TACSTD2: variants seen among roughly 807,000 people sequenced by gnomAD.
The protein encoded by TACSTD2 is tumor associated calcium signal transducer 2.
Under a neutral mutation model 7.9 loss-of-function variants are expected in TACSTD2, and 6 were observed. The ratio of observed to expected loss-of-function variants is 0.76; its 90% CI spans 0.42 to 1.50. The LOEUF (loss-of-function observed/expected upper bound fraction) is 1.50, where lower values mean the gene tolerates loss of function less well. Among genes scored for constraint, TACSTD2 ranks in the 40% most tolerant of loss-of-function variants. TACSTD2 has a pLI of 0.01. For missense variants in TACSTD2, 511 were observed against 471.2 expected, an observed-to-expected ratio of 1.08 and a Z score of -0.78; for synonymous variants, 220 against 225.5, an observed-to-expected ratio of 0.98 and a Z score of 0.22.
rs754969874 is a variant in TACSTD2 at position 58,576,180 on chromosome 1, G to A, written c.*5C>T. 3 of 1,613,478 alleles carry A rather than the reference G, an allele frequency of 1.9e-6. No homozygotes were observed. Among genetic ancestry groups the A allele is most frequent in the African/African-American group, 2.7e-5 (2 of 74,856 alleles). ...CCCCACCCCATCCCCTGCCCCGCCGGGTACCTACAAGCTCGGTTCCTTTCT... is the reference window on the plus strand; with the variant it reads ...CCCCACCCCATCCCCTGCCCCGCCGAGTACCTACAAGCTCGGTTCCTTTCT... On this transcript the variant is annotated 3_prime_UTR_variant, in exon 1 of 1. Coordinates refer to ENST00000371225, the MANE Select transcript of TACSTD2 (RefSeq NM_002353.3).
At position 58,576,652 on chromosome 1, in the gene TACSTD2, G is replaced by T. The variant is rs376863586; in HGVS notation, c.505C>A (p.His169Asn). The change falls in exon 1 of 1, where the codon CAC (histidine) becomes AAC (asparagine). Residue 169 changes from histidine (H) to asparagine (N), a missense_variant. His to Asn is a moderately conservative substitution (Grantham distance 68). Transcript: ENST00000371225. Reference protein sequence around the residue: ...RHRPTAGAFNHSDLDAELRRL... With the variant: ...RHRPTAGAFNNSDLDAELRRL... ...CTCAGCTCGGCGTCCAGGTCTGAGT[G>T]GTTGAAGGCGCCGGCGGTGGGGCGG... 6.2e-6 allele frequency: 10 copies of T among 1,606,072 alleles called. No individual in the cohort carries two copies. The highest frequency in any genetic ancestry group is 8.5e-6 in the Non-Finnish European group (10 of 1,177,320).
In TACSTD2 at chr1:58,576,488, G is replaced by A. The variant is rs1462089823; in HGVS notation, c.669C>T (p.Ala223=). ...AAGDVDIGDA[A]YYFERDIKGE... ...CCTTGATGTCCCTCTCGAAGTAGTAGGCGGCATCGCCGATATCCACGTCAC... is the reference window on the plus strand; with the variant it reads ...CCTTGATGTCCCTCTCGAAGTAGTAAGCGGCATCGCCGATATCCACGTCAC... The change falls in exon 1 of 1, where the codon GCC becomes GCT. Residue 223 remains alanine (A), a synonymous_variant. Coordinates refer to ENST00000371225, the MANE Select transcript of TACSTD2 (RefSeq NM_002353.3). 1.2e-6 allele frequency: 2 copies of A among 1,613,418 alleles called. No individual in the cohort carries two copies. The highest frequency in any genetic ancestry group is 1.7e-6 in the Non-Finnish European group (2 of 1,179,844).
At position 58,577,081 on chromosome 1, in the gene TACSTD2, C is replaced by T. The variant is rs1196611791; in HGVS notation, c.76G>A (p.Gly26Ser). 2 of 1,476,270 alleles carry T rather than the reference C, an allele frequency of 1.4e-6. No homozygotes were observed. Among genetic ancestry groups the T allele is most frequent in the African/African-American group, 2.9e-5 (2 of 67,842 alleles). 91.4% of individuals were successfully genotyped at this position (1,476,270 alleles called of 1,614,324 possible). ...LLLLVLAAVTGHTAAQDNCTC... is the reference protein window; with the variant it reads ...LLLLVLAAVTSHTAAQDNCTC... ...CAGTTGTCCTGCGCGGCCGTGTGGC[C>T]GGTCACCGCCGCCAGCACCAGCAGC... is the stretch of plus-strand genomic sequence containing the variant. The change falls in exon 1 of 1, where the codon GGC becomes AGC. Residue 26 changes from glycine (G) to serine (S), a missense_variant. Gly to Ser is a moderately conservative substitution (Grantham distance 56). Transcript: ENST00000371225.
rs1032804975 is a variant in TACSTD2 at position 58,577,226 on chromosome 1, G to A, written c.-70C>T. The A allele has an allele frequency of 3.4e-5, 45 of 1,316,572 alleles. No individual in the cohort carries two copies. The highest frequency in any genetic ancestry group is 4.2e-5 in the Admixed American group (1 of 23,894). The allele number at this position is 1,316,572 out of a possible 1,614,324, so 81.6% of individuals were successfully genotyped here. On this transcript the variant is annotated 5_prime_UTR_variant, in exon 1 of 1. Transcript: ENST00000371225. The stretch of plus-strand genomic sequence containing the variant: ...GGGGACTCGTCGGGGCTCGGGCTCC[G>A]GCGTCTGGGATGGTCTGCAGGCGTC...
rs1417393085 is a variant in TACSTD2 at position 58,577,246 on chromosome 1, G to A, written c.-90C>T. 5.4e-6 allele frequency: 7 copies of A among 1,298,886 alleles called. No homozygotes were observed. The highest frequency in any genetic ancestry group is 6.8e-6 in the Non-Finnish European group (7 of 1,027,344). The allele number at this position is 1,298,886 out of a possible 1,614,324, so 80.5% of individuals were successfully genotyped here. ...GCTCCGGCGTCTGGGATGGTCTGCA[G>A]GCGTCTGCCGCCCGGCCGCTCCCTC... is the stretch of plus-strand genomic sequence containing the variant. On this transcript the variant is annotated 5_prime_UTR_variant, in exon 1 of 1. Coordinates refer to ENST00000371225, the MANE Select transcript of TACSTD2 (RefSeq NM_002353.3).
In TACSTD2 at chr1:58,576,252, T is replaced by C; in HGVS notation, c.905A>G (p.Lys302Arg). Residue 302 changes from lysine to arginine, a missense_variant, in exon 1 of 1, where the codon AAG becomes AGG. Lys to Arg is a conservative substitution (Grantham distance 26, BLOSUM62 2). Coordinates refer to ENST00000371225, the MANE Select transcript of TACSTD2 (RefSeq NM_002353.3). ...CTCCACCTTCTTGTACTTCCCCGAC[T>C]TTCTCCGGTTGGTGATCACCAGGAC... ...MAVLVITNRR[K>R]SGKYKKVEIK... The C allele has an allele frequency of 6.2e-7, 1 of 1,614,054 alleles. No homozygotes were observed. The highest frequency in any genetic ancestry group is 8.5e-7 in the Non-Finnish European group (1 of 1,179,982).
rs1328048620 is a variant in TACSTD2, at chr1:58,576,886, G to A, written c.271C>T (p.Arg91Trp). Residue 91 changes from arginine to tryptophan, a missense_variant, in exon 1 of 1, where the codon CGG becomes TGG. Physicochemically the swap from Arg to Trp is moderately radical, Grantham distance 101. Coordinates refer to ENST00000371225, the MANE Select transcript of TACSTD2 (RefSeq NM_002353.3). ...SAPKNARTLVRPSEHALVDND... is the reference protein window; with the variant it reads ...SAPKNARTLVWPSEHALVDND... Reference sequence around the variant, plus strand: ...TCCACGAGCGCGTGCTCACTCGGCCGCACCAGCGTGCGGGCGTTCTTGGGG... The same window carrying A: ...TCCACGAGCGCGTGCTCACTCGGCCACACCAGCGTGCGGGCGTTCTTGGGG... 6.3e-7 allele frequency: 1 copy of A among 1,589,958 alleles called. No individual in the cohort carries two copies. The highest frequency in any genetic ancestry group is 8.5e-7 in the Non-Finnish European group (1 of 1,174,920).
rs1268603966 is a variant in TACSTD2, at chr1:58,576,906, T to G, written c.251A>C (p.Lys84Thr). Reference sequence around the variant, plus strand: ...CGGCCGCACCAGCGTGCGGGCGTTCTTGGGGGCGCTCATGCGCGCCTTGAG... The same window carrying G: ...CGGCCGCACCAGCGTGCGGGCGTTCGTGGGGGCGCTCATGCGCGCCTTGAG... ...LLLKARMSAP[K>T]NARTLVRPSE... The change falls in exon 1 of 1, where the codon AAG becomes ACG. Residue 84 changes from lysine to threonine, a missense_variant. Coordinates refer to ENST00000371225, the MANE Select transcript of TACSTD2 (RefSeq NM_002353.3). 3.8e-6 allele frequency: 6 copies of G among 1,588,908 alleles called. No homozygotes were observed. The highest frequency in any genetic ancestry group is 1.7e-4 in the Middle Eastern group (1 of 6,044).
chr1:58,577,055 G>T lies in TACSTD2; in HGVS notation c.102C>A (p.Cys34Ter). 1 of 1,530,386 alleles carries T rather than the reference G, an allele frequency of 6.5e-7. No homozygotes were observed. The allele number at this position is 1,530,386 out of a possible 1,614,324, so 94.8% of individuals were successfully genotyped here. A position where few individuals can be genotyped will look rare whatever the true frequency, so the allele number is the denominator to read the frequency against. ...CGGTCATCTTGTTGGTGGGACACGT[G>T]CAGTTGTCCTGCGCGGCCGTGTGGC... ...VTGHTAAQDN[C>*]TCPTNKMTVC... Residue 34 changes from cysteine to a stop codon, truncating the protein, a stop_gained, in exon 1 of 1, where the codon TGC becomes TGA. Transcript: ENST00000371225. LOFTEE classifies it high-confidence loss of function.
chr1:58,577,245 A>C lies in TACSTD2; in HGVS notation c.-89T>G. The C allele has an allele frequency of 1.5e-6, 2 of 1,300,358 alleles. No homozygotes were observed. Among genetic ancestry groups the C allele is most frequent in the Non-Finnish European group, 1.9e-6 (2 of 1,028,462 alleles). The allele number at this position is 1,300,358 out of a possible 1,614,324, so 80.6% of individuals were successfully genotyped here. Reference sequence around the variant, plus strand: ...GGCTCCGGCGTCTGGGATGGTCTGCAGGCGTCTGCCGCCCGGCCGCTCCCT... The same window carrying C: ...GGCTCCGGCGTCTGGGATGGTCTGCCGGCGTCTGCCGCCCGGCCGCTCCCT... On this transcript the variant is annotated 5_prime_UTR_variant, in exon 1 of 1. Coordinates refer to ENST00000371225, the MANE Select transcript of TACSTD2 (RefSeq NM_002353.3).
chr1:58,576,135 G>A lies in TACSTD2; in HGVS notation c.*50C>T, dbSNP rs1203249808. The A allele has an allele frequency of 6.3e-7, 1 of 1,596,630 alleles. No individual in the cohort carries two copies. Among genetic ancestry groups the A allele is most frequent in the Non-Finnish European group, 8.5e-7 (1 of 1,171,988 alleles). ...GGAAGCGTGACTCACTTGGGTCTGG[G>A]ACGATACCGAAATCCGGTACCCCAC... On this transcript the variant is annotated 3_prime_UTR_variant, in exon 1 of 1. Coordinates refer to ENST00000371225, the MANE Select transcript of TACSTD2 (RefSeq NM_002353.3).
At position 58,576,532 on chromosome 1, in the gene TACSTD2, T is replaced by C. The variant is rs1646883337; in HGVS notation, c.625A>G (p.Thr209Ala). The C allele has an allele frequency of 3.1e-6, 5 of 1,612,302 alleles. No individual in the cohort carries two copies. The highest frequency in any genetic ancestry group is 8.5e-7 in the Non-Finnish European group (1 of 1,179,542). Residue 209 changes from threonine to alanine, a missense_variant, in exon 1 of 1, where the codon ACG becomes GCG. Transcript: ENST00000371225. ...PTIQIELRQN[T>A]SQKAAGDVDI... ...ACGTCACCGGCGGCCTTCTGAGACG[T>C]GTTCTGCCGCAGCTCGATCTGGATG...
At position 58,576,469 on chromosome 1, in the gene TACSTD2, T is replaced by C. The variant is rs756432509; in HGVS notation, c.688A>G (p.Ile230Val). Residue 230 changes from isoleucine to valine, a missense_variant, in exon 1 of 1, where the codon ATC (isoleucine) becomes GTC (valine). Physicochemically the swap from Ile to Val is conservative, Grantham distance 29. Transcript: ENST00000371225. Reference sequence around the variant, plus strand: ...CCCTGGAATAGAGACTCGCCCTTGATGTCCCTCTCGAAGTAGTAGGCGGCA... The same window carrying C: ...CCCTGGAATAGAGACTCGCCCTTGACGTCCCTCTCGAAGTAGTAGGCGGCA... ...GDAAYYFERD[I>V]KGESLFQGRG... 2 of 1,613,884 alleles carry C rather than the reference T, an allele frequency of 1.2e-6. No homozygotes were observed. Among genetic ancestry groups the C allele is most frequent in the East Asian group, 2.2e-5 (1 of 44,868 alleles).
In TACSTD2 at chr1:58,575,530, C is replaced by T. The variant is rs1338592244; in HGVS notation, c.*655G>A. 1.3e-5 allele frequency: 2 copies of T among 152,112 alleles called. No individual in the cohort carries two copies. The allele number at this position is 152,112 out of a possible 1,614,324, so 9.4% of individuals were successfully genotyped here. Reference sequence around the variant, plus strand: ...TGTACAAACATTTTACAAAAAAGAACATTACCAATATCAGTGGCAGTAAGG... The same window carrying T: ...TGTACAAACATTTTACAAAAAAGAATATTACCAATATCAGTGGCAGTAAGG... On this transcript the variant is annotated 3_prime_UTR_variant, in exon 1 of 1. Coordinates refer to ENST00000371225, the MANE Select transcript of TACSTD2 (RefSeq NM_002353.3).
rs1371351104 is a variant in TACSTD2 at position 58,576,881 on chromosome 1, C to A, written c.276G>T (p.Pro92=). ...CGTTGTCCACGAGCGCGTGCTCACT[C>A]GGCCGCACCAGCGTGCGGGCGTTCT... The part of the protein sequence containing the change: ...APKNARTLVR[P]SEHALVDNDG... Residue 92 remains proline, a synonymous_variant, in exon 1 of 1, where the codon CCG becomes CCT. Coordinates refer to ENST00000371225, the MANE Select transcript of TACSTD2 (RefSeq NM_002353.3). The A allele has an allele frequency of 6.3e-7, 1 of 1,591,162 alleles. No homozygotes were observed. The highest frequency in any genetic ancestry group is 8.5e-7 in the Non-Finnish European group (1 of 1,175,528).
chr1:58,576,245 C>T lies in TACSTD2; in HGVS notation c.912G>A (p.Gly304=). ...CCTTGATCTCCACCTTCTTGTACTT[C>T]CCCGACTTTCTCCGGTTGGTGATCA... The part of the protein sequence containing the change: ...VLVITNRRKS[G]KYKKVEIKEL... Residue 304 remains glycine, a synonymous_variant, in exon 1 of 1, where the codon GGG becomes GGA. Transcript: ENST00000371225. The T allele has an allele frequency of 1.2e-6, 2 of 1,614,130 alleles. No individual in the cohort carries two copies. Among genetic ancestry groups the T allele is most frequent in the Non-Finnish European group, 1.7e-6 (2 of 1,180,020 alleles).
chr1:58,576,870 G>A lies in TACSTD2; in HGVS notation c.287C>T (p.Ala96Val). The A allele has an allele frequency of 1.3e-6, 2 of 1,592,592 alleles. No homozygotes were observed. The highest frequency in any genetic ancestry group is 8.5e-7 in the Non-Finnish European group (1 of 1,176,238). The change falls in exon 1 of 1, where the codon GCG (alanine) becomes GTG (valine). Residue 96 changes from alanine to valine, a missense_variant. Coordinates refer to ENST00000371225, the MANE Select transcript of TACSTD2 (RefSeq NM_002353.3). ...GTAGAGGCCATCGTTGTCCACGAGC[G>A]CGTGCTCACTCGGCCGCACCAGCGT... is the stretch of plus-strand genomic sequence containing the variant. The part of the protein sequence containing the change: ...ARTLVRPSEH[A>V]LVDNDGLYDP...
chr1:58,576,709 GCAC>G lies in TACSTD2; in HGVS notation c.445_447del (p.Val149del). On this transcript the variant is annotated inframe_deletion, in exon 1 of 1. Transcript: ENST00000371225. ...AGGTCAATGAGGATGTGGTGGGTGC[GCAC>G]CAGCTCATCGCAGCGTAGGCTCAGG... is the stretch of plus-strand genomic sequence containing the variant. 1.9e-6 allele frequency: 3 copies of G among 1,601,052 alleles called. No homozygotes were observed. Among genetic ancestry groups the G allele is most frequent in the Non-Finnish European group, 2.5e-6 (3 of 1,179,036 alleles).
rs1342118643 is a variant in TACSTD2, at chr1:58,576,176, G to A, written c.*9C>T. 3.7e-6 allele frequency: 6 copies of A among 1,613,092 alleles called. No homozygotes were observed. Among genetic ancestry groups the A allele is most frequent in the East Asian group, 2.2e-5 (1 of 44,808 alleles). ...GGTACCCCACCCCATCCCCTGCCCC[G>A]CCGGGTACCTACAAGCTCGGTTCCT... On this transcript the variant is annotated 3_prime_UTR_variant, in exon 1 of 1. Transcript: ENST00000371225.
Sources: allele counts gnomAD v4.1 joint callset, GRCh38; gene constraint gnomAD v4.1.1; transcripts MANE v1.5; gene names NCBI Gene and HGNC (gene_info 2026-07-23, HGNC 2026-07-21).